ANKRD30A: variants seen among roughly 807,000 people sequenced by gnomAD.
The protein encoded by ANKRD30A is ankyrin repeat domain 30A, also known as ankyrin repeat domain-containing protein 30A.
ANKRD30A carries 170 observed loss-of-function variants against 166.3 expected under a neutral mutation model. That is an observed-to-expected ratio of 1.02 (90% CI 0.90 to 1.16). The LOEUF (loss-of-function observed/expected upper bound fraction) is 1.16. Ranked by LOEUF, ANKRD30A falls within the 50% of genes most tolerant of loss-of-function variation. The probability of loss-of-function intolerance (pLI) is 0.00; values close to 1 mark genes in which losing one functional copy is unlikely to be tolerated. For missense variants in ANKRD30A, 1,630 were observed against 1,518.0 expected, an observed-to-expected ratio of 1.07 and a Z score of -1.23; for synonymous variants, 564 against 508.9, an observed-to-expected ratio of 1.11 and a Z score of -1.46.
At chr10:37,144,644 G>A (rs1232720298) in intron 7 of ANKRD30A, among the ~76,000 whole-genome samples, 1 of 152,064 alleles carries the variant, frequency 6.6e-6, no homozygotes. Context: ...ATAAAAGAAA[G>A]TAATGAGAGC....
chr10:37,151,967 C>T, intron 11 of ANKRD30A, 93 bp from the exon 12 acceptor site: 1 of 1,158,634 alleles, frequency 8.6e-7, no homozygotes. Context: ...GGAAAAACCA[C>T]AGATTCGTGA....
At chr10:37,139,384 T>C (rs1170417134) in intron 6 of ANKRD30A, among the ~76,000 whole-genome samples, 1 of 152,190 alleles carries the variant, frequency 6.6e-6, no homozygotes, top group Non-Finnish European at 1.5e-5. Flanking sequence ...AAAGTTTTAA[T>C]GACAAAAGCT....
At chr10:37,193,444 T>A (rs1021492417) in intron 27 of ANKRD30A, among the ~76,000 whole-genome samples, 186 bp downstream of exon 27, 5 of 152,046 alleles carry the variant, frequency 3.3e-5, no homozygotes, top group Non-Finnish European at 5.9e-5. Flanking sequence ...ATTTAGAGAT[T>A]TAGAAAAAAA....
chr10:37,254,708 G>A, the ANKRD30A span, among the ~76,000 whole-genome samples: 1 of 138,420 alleles, frequency 7.2e-6, no homozygotes, highest in Non-Finnish European at 1.5e-5. Context: ...TTTTGAGATG[G>A]AGTCTCACTC....
At chr10:37,242,231 TG>T in the ANKRD30A span, among the ~76,000 whole-genome samples, 1 of 152,350 alleles carries the variant, frequency 6.6e-6, no homozygotes, top group Non-Finnish European at 1.5e-5. Flanking sequence ...ATTGAGTTTT[TG>T]TAATGTTTCC....
intron 18 of ANKRD30A, 33 bp from the exon 19 acceptor site, chr10:37,166,572 A>C: frequency 6.6e-7 from 1 of 1,521,520 alleles, no homozygotes; most frequent in Admixed American, 2.2e-5. Flanking sequence ...GGATTTATCC[A>C]TTGAAATTAT....
At chr10:37,202,872 A>G (rs1197459290) in intron 31 of ANKRD30A, among the ~76,000 whole-genome samples, 2 of 152,212 alleles carry the variant, frequency 1.3e-5, no homozygotes, top group Non-Finnish European at 2.9e-5. Context: ...CTATGCAAAT[A>G]AACTGGAGAA....
In ANKRD30A at chr10:37,152,046, T is replaced by A; in HGVS notation, c.1646-14T>A. On this transcript the variant is annotated splice_polypyrimidine_tract_variant and intron_variant, in intron 11 of 35. Coordinates refer to ENST00000361713, the MANE Select transcript of ANKRD30A (RefSeq NM_052997.3). ...AATGTTGTCATGAATGTTTCTGTGA[T>A]TAACCTTTTATAGATCCGATGTTCC... 1.3e-6 allele frequency: 2 copies of A among 1,597,990 alleles called. No homozygotes were observed. Among genetic ancestry groups the A allele is most frequent in the Non-Finnish European group, 1.7e-6 (2 of 1,170,676 alleles).
At position 37,149,690 on chromosome 10, in the gene ANKRD30A, T is replaced by G. The variant is rs1198641591; in HGVS notation, c.1572+11T>G. 1 of 1,612,374 alleles carries G rather than the reference T, an allele frequency of 6.2e-7. No individual in the cohort carries two copies. The highest frequency in any genetic ancestry group is 8.5e-7 in the Non-Finnish European group (1 of 1,178,886). On this transcript the variant is annotated intron_variant, in intron 10 of 35. Transcript: ENST00000361713. Reference sequence around the variant, plus strand: ...CCATCTGCCTTCAAGGTATTTAGTTTTATTATTTCATTTTGAATGACTTAT... The same window carrying G: ...CCATCTGCCTTCAAGGTATTTAGTTGTATTATTTCATTTTGAATGACTTAT...
At chr10:37,132,725 C>T (rs540471228) in intron 4 of ANKRD30A, among the ~76,000 whole-genome samples, 3 of 152,226 alleles carry the variant, frequency 2.0e-5, no homozygotes, top group South Asian at 4.1e-4. Context: ...TTGCTGGGCA[C>T]GGTAGCTGTT....
In ANKRD30A at chr10:37,196,188, G is replaced by C. The variant is rs183977861; in HGVS notation, c.2615-1093G>C. ...AGGCAGGTAATTCTGGAGACTCTGA[G>C]CAAAACAGTTGAGTGAACTCACTTC... is the stretch of plus-strand genomic sequence containing the variant. On this transcript the variant is annotated intron_variant, in intron 27 of 35. Transcript: ENST00000361713. 5.3e-5 allele frequency among the ~76,000 whole-genome samples: 8 copies of C among 149,902 alleles called. No homozygotes were observed. The Admixed American group carries it at 5.4e-4, about 10-fold the overall frequency.
intron 7 of ANKRD30A, among the ~76,000 whole-genome samples, chr10:37,143,995 G>A (rs550158482): frequency 6.6e-6 from 1 of 151,228 alleles, no homozygotes; most frequent in Non-Finnish European, 1.5e-5. Flanking sequence ...GGTAAAAAGA[G>A]TCAAGTTCAG....
At chr10:37,213,868 T>C (rs2132727134) in intron 31 of ANKRD30A, among the ~76,000 whole-genome samples, 1 of 151,762 alleles carries the variant, frequency 6.6e-6, no homozygotes, top group South Asian at 2.1e-4. Flanking sequence ...ACATGTTTTG[T>C]ATGACTTAAA....
intron 5 of ANKRD30A, among the ~76,000 whole-genome samples, chr10:37,135,057 A>G (rs571885181): frequency 6.6e-6 from 1 of 152,290 alleles, no homozygotes; most frequent in East Asian, 1.9e-4. Flanking sequence ...TTTTTTCCTA[A>G]AAGTAAAAAT....
chr10:37,219,401 G>T lies in ANKRD30A; in HGVS notation c.3689G>T (p.Cys1230Phe). ...GCTTTCCACATTGCAGGAGATGCTT[G>T]TTTGCAAAGAAAAATGAATGTTGAT... Reference protein sequence around the residue: ...EPAFHIAGDACLQRKMNVDVS... With the variant: ...EPAFHIAGDAFLQRKMNVDVS... Residue 1230 changes from cysteine to phenylalanine, a missense_variant, in exon 34 of 36, where the codon TGT becomes TTT. Physicochemically the swap from Cys to Phe is radical, Grantham distance 205. Transcript: ENST00000361713. 1 of 1,610,466 alleles carries T rather than the reference G, an allele frequency of 6.2e-7. No individual in the cohort carries two copies. The highest frequency in any genetic ancestry group is 8.5e-7 in the Non-Finnish European group (1 of 1,177,738).
chr10:37,129,889 G>T lies in ANKRD30A; in HGVS notation c.222-4G>T, dbSNP rs373549644. On this transcript the variant is annotated splice_region_variant and splice_polypyrimidine_tract_variant and intron_variant, in intron 1 of 35. Coordinates refer to ENST00000361713, the MANE Select transcript of ANKRD30A (RefSeq NM_052997.3). The stretch of plus-strand genomic sequence containing the variant: ...TTTGCCAAAAAGTCCTCTCACTCTC[G>T]TAGGACTGCTCTACACTGGGCCTGT... 1 of 1,475,148 alleles carries T rather than the reference G, an allele frequency of 6.8e-7. No homozygotes were observed. Among genetic ancestry groups the T allele is most frequent in the Non-Finnish European group, 9.0e-7 (1 of 1,107,544 alleles). The allele number at this position is 1,475,148 out of a possible 1,614,324, so 91.4% of individuals were successfully genotyped here.
chr10:37,258,585 CT>C, the ANKRD30A span, among the ~76,000 whole-genome samples: 13 of 151,120 alleles, frequency 8.6e-5, no homozygotes, highest in South Asian at 2.1e-4. Context: ...AATTTGACCC[CT>C]ATCTTACATC....
chr10:37,155,436 T>A (rs959395491), intron 13 of ANKRD30A, among the ~76,000 whole-genome samples: 1 of 152,176 alleles, frequency 6.6e-6, no homozygotes, highest in Non-Finnish European at 1.5e-5. Flanking sequence ...CTTTCACTGA[T>A]GAGATGTCAA....
chr10:37,215,232 TGTGAA>T (rs1192368302), intron 31 of ANKRD30A, among the ~76,000 whole-genome samples: 2 of 151,516 alleles, frequency 1.3e-5, no homozygotes, highest in African/African-American at 2.4e-5. Flanking sequence ...TTCATTTTCC[TGTGAA>T]GTCTGAGTCT....
Sources: allele counts gnomAD v4.1 joint callset (sites outside exome capture counted in the v4.1 genomes callset), GRCh38; gene constraint gnomAD v4.1.1; transcripts MANE v1.5; gene names NCBI Gene and HGNC (gene_info 2026-07-23, HGNC 2026-07-21).